The following LRRC37A2 variants were observed in gnomAD, a reference collection of about 807,000 sequenced individuals.
The protein encoded by LRRC37A2 is leucine rich repeat containing 37 member A2.
LRRC37A2 carries 9 observed loss-of-function variants against 68.8 expected under a neutral mutation model. The observed-to-expected ratio is 0.13, with a 90% CI of 0.08 to 0.23. LRRC37A2 has a LOEUF of 0.23. Ranked by LOEUF, LRRC37A2 falls within the 10% of genes least tolerant of loss-of-function variation. The probability of loss-of-function intolerance (pLI) is 1.00; values close to 1 mark genes in which losing one functional copy is unlikely to be tolerated. For missense variants in LRRC37A2, 168 were observed against 950.4 expected, an observed-to-expected ratio of 0.18 and a Z score of 10.82; for synonymous variants, 63 against 367.6, an observed-to-expected ratio of 0.17 and a Z score of 9.48.
the LRRC37A2 span, among the ~76,000 whole-genome samples, chr17:46,828,188 G>C: frequency 6.6e-6 from 1 of 150,750 alleles, no homozygotes; most frequent in Non-Finnish European, 1.5e-5. Context: ...TTTTTCCTTT[G>C]GATTTCTTTT....
chr17:46,886,674 G>A, the LRRC37A2 span: 4 of 152,212 alleles, frequency 2.6e-5, no homozygotes, highest in Admixed American at 1.3e-4. Context: ...TGAATAAGCT[G>A]TGGTTCGGAG....
At chr17:46,954,848 T>C in the LRRC37A2 span, among the ~76,000 whole-genome samples, 1 of 152,234 alleles carries the variant, frequency 6.6e-6, no homozygotes, top group Non-Finnish European at 1.5e-5. Context: ...AGAATGCTTG[T>C]GATTTTTGCA....
chr17:46,734,814 T>C, the LRRC37A2 span, among the ~76,000 whole-genome samples: 1 of 152,258 alleles, frequency 6.6e-6, no homozygotes, highest in South Asian at 2.1e-4. Flanking sequence ...CCTAGCACTT[T>C]GAGAGGCCAA....
chr17:46,985,758 T>C, the LRRC37A2 span, among the ~76,000 whole-genome samples: 1 of 152,342 alleles, frequency 6.6e-6, no homozygotes, highest in East Asian at 1.9e-4. Context: ...CTCTCTGGGC[T>C]TCCATTGGCT....
At chr17:46,932,996 T>C in the LRRC37A2 span, 2 of 152,314 alleles carry the variant, frequency 1.3e-5, no homozygotes, top group African/African-American at 4.8e-5. Context: ...GCATCCTTGC[T>C]TTGCAATAAA....
At chr17:46,732,191 A>T in the LRRC37A2 span, among the ~76,000 whole-genome samples, 1 of 152,222 alleles carries the variant, frequency 6.6e-6, no homozygotes, top group African/African-American at 2.4e-5. Flanking sequence ...CACTACAGTA[A>T]TCATATCAGT....
the LRRC37A2 span, among the ~76,000 whole-genome samples, chr17:46,742,240 A>G: frequency 7.0e-4 from 106 of 152,328 alleles, no homozygotes; most frequent in Non-Finnish European, 1.2e-3. Context: ...GTTGCTATCA[A>G]CACTTGGGGC....
At chr17:46,865,704 C>T in the LRRC37A2 span, among the ~76,000 whole-genome samples, 3 of 152,156 alleles carry the variant, frequency 2.0e-5, no homozygotes, top group African/African-American at 7.2e-5. Context: ...CAGCCTTGAC[C>T]TCCTGGGCTC....
chr17:46,872,898 C>G, the LRRC37A2 span: 1 of 1,173,264 alleles, frequency 8.5e-7, no homozygotes, highest in African/African-American at 1.6e-5. Flanking sequence ...CCCTTCCTGC[C>G]CTAGCACGGT....
the LRRC37A2 span, among the ~76,000 whole-genome samples, chr17:46,802,884 G>C: frequency 6.6e-6 from 1 of 152,092 alleles, no homozygotes; most frequent in Non-Finnish European, 1.5e-5. Flanking sequence ...GTGTGTTCCT[G>C]TGTTCTGCGA....
chr17:46,796,991 C>A, the LRRC37A2 span, among the ~76,000 whole-genome samples: 2 of 152,110 alleles, frequency 1.3e-5, no homozygotes, highest in East Asian at 1.9e-4. Flanking sequence ...AGAATCTTCT[C>A]GATCCCATTT....
the LRRC37A2 span, among the ~76,000 whole-genome samples, chr17:47,020,797 A>AAAAAAAAAAAAAAG: frequency 6.8e-6 from 1 of 146,222 alleles, no homozygotes; most frequent in Non-Finnish European, 1.5e-5. Flanking sequence ...AAAAAAAAAA[A>AAAAAAAAAAAAAAG]AAAAAAAAAT....
At chr17:47,030,088 AATCATCATCATCATC>A in the LRRC37A2 span, among the ~76,000 whole-genome samples, 419 of 106,978 alleles carry the variant, frequency 3.9e-3, no homozygotes, top group African/African-American at 6.6e-3. Context: ...TAATAATAAT[AATCATCATCATCATC>A]ATCATCATCA....
the LRRC37A2 span, among the ~76,000 whole-genome samples, chr17:46,982,645 C>T: frequency 3.5e-4 from 53 of 152,278 alleles, 1 homozygote; most frequent in East Asian, 7.9e-3. Context: ...GTTCCAAAGC[C>T]ACGCTCTTCA....
At chr17:46,760,113 A>T in the LRRC37A2 span, among the ~76,000 whole-genome samples, 25 of 152,150 alleles carry the variant, frequency 1.6e-4, no homozygotes, top group Non-Finnish European at 2.8e-4. Context: ...AAAAGATTTT[A>T]TTTTTAATTA....
chr17:46,844,355 C>T, the LRRC37A2 span, among the ~76,000 whole-genome samples: 1 of 147,448 alleles, frequency 6.8e-6, no homozygotes, highest in African/African-American at 2.5e-5. Flanking sequence ...TACTGCTTCC[C>T]AGAGATAAAC....
the LRRC37A2 span, among the ~76,000 whole-genome samples, chr17:46,774,284 C>T: frequency 6.6e-6 from 1 of 152,270 alleles, no homozygotes; most frequent in South Asian, 2.1e-4. Flanking sequence ...AGAGATCAGG[C>T]TGGGCAATTT....
At chr17:46,804,661 C>T in the LRRC37A2 span, among the ~76,000 whole-genome samples, 1 of 152,172 alleles carries the variant, frequency 6.6e-6, no homozygotes, top group Non-Finnish European at 1.5e-5. Context: ...GATGGGTCAC[C>T]TGGGAGGAAT....
chr17:46,396,355 GA>G, the LRRC37A2 span, among the ~76,000 whole-genome samples: 1 of 14,794 alleles, frequency 6.8e-5, no homozygotes, highest in East Asian at 4.8e-4. Flanking sequence ...GGAATAGTGT[GA>G]GTGAAGGAAT....
Sources: gnomAD v4.1 joint callset for allele counts (sites outside exome capture counted in the v4.1 genomes callset) on GRCh38, gnomAD v4.1.1 for gene constraint, MANE v1.5 for transcripts, NCBI Gene and HGNC (gene_info 2026-07-23, HGNC 2026-07-21) for gene names.